The following MAPK1IP1L variants were observed in gnomAD, a reference collection of about 807,000 sequenced individuals.
MAPK1IP1L encodes the protein MAPK-interacting and spindle-stabilizing protein-like.
Under a neutral mutation model 18.1 loss-of-function variants are expected in MAPK1IP1L, and 10 were observed. That is an observed-to-expected ratio of 0.55 (90% CI 0.34 to 0.94). MAPK1IP1L has a LOEUF of 0.94. Among genes scored for constraint, MAPK1IP1L ranks in the 40% least tolerant of loss-of-function variants. The probability of loss-of-function intolerance (pLI) is 0.02; values close to 1 mark genes in which losing one functional copy is unlikely to be tolerated. For synonymous variants in MAPK1IP1L, 115 were observed against 117.3 expected, an observed-to-expected ratio of 0.98 and a Z score of 0.13; for missense variants, 260 against 318.2, an observed-to-expected ratio of 0.82 and a Z score of 1.39.
chr14:55,063,432 A>G, intron 3 of MAPK1IP1L, 107 bp downstream of exon 3: 1 of 950,560 alleles, frequency 1.1e-6, no homozygotes, highest in South Asian at 1.8e-5. Flanking sequence ...TAAGTTTTTA[A>G]AAGAGGGTGT....
chr14:55,059,874 A>G (rs1480654892), intron 1 of MAPK1IP1L, among the ~76,000 whole-genome samples: 7 of 152,182 alleles, frequency 4.6e-5, no homozygotes, highest in Non-Finnish European at 8.8e-5. Context: ...AAATGGCAGC[A>G]GTATAGTGTA....
chr14:55,061,826 C>A, intron 2 of MAPK1IP1L, 125 bp downstream of exon 2: 1 of 728,038 alleles, frequency 1.4e-6, no homozygotes, highest in South Asian at 2.1e-5. Flanking sequence ...TGGTGTGCAC[C>A]TGTAGTCCTA....
In MAPK1IP1L at chr14:55,064,637, G is replaced by A; in HGVS notation, c.*10G>A. The A allele has an allele frequency of 6.2e-7, 1 of 1,611,526 alleles. No homozygotes were observed. Among genetic ancestry groups the A allele is most frequent in the Non-Finnish European group, 8.5e-7 (1 of 1,179,098 alleles). ...GCAGTCTTACCATTAAGTTAACAAT[G>A]GACGAAGAGATGACGCTTTGCTTTT... On this transcript the variant is annotated 3_prime_UTR_variant, in exon 4 of 4. Coordinates refer to ENST00000395468, the MANE Select transcript of MAPK1IP1L (RefSeq NM_144578.4).
rs189025864 is a variant in MAPK1IP1L at position 55,069,716 on chromosome 14, C to T, written c.*5089C>T. Reference sequence around the variant, plus strand: ...GGATATCTGGAAACCACCCTTCCTCCGCAAACCCTCTCAGCAACATGGTGT... The same window carrying T: ...GGATATCTGGAAACCACCCTTCCTCTGCAAACCCTCTCAGCAACATGGTGT... On this transcript the variant is annotated 3_prime_UTR_variant, in exon 4 of 4. Coordinates refer to ENST00000395468, the MANE Select transcript of MAPK1IP1L (RefSeq NM_144578.4). The T allele has an allele frequency of 4.7e-4, 72 of 152,282 alleles. No homozygotes were observed. The Middle Eastern group carries it at 0.01, about 22-fold the overall frequency. The allele number at this position is 152,282 out of a possible 1,614,324, so 9.4% of individuals were successfully genotyped here. A position where few individuals can be genotyped will look rare whatever the true frequency, so the allele number is the denominator to read the frequency against.
chr14:55,051,750 T>A lies in MAPK1IP1L; in HGVS notation c.-58T>A, dbSNP rs761751957. 6 of 515,314 alleles carry A rather than the reference T, an allele frequency of 1.2e-5. No homozygotes were observed. Among genetic ancestry groups the A allele is most frequent in the Admixed American group, 1.9e-5 (1 of 51,498 alleles). The allele number at this position is 515,314 out of a possible 1,614,324, so 31.9% of individuals were successfully genotyped here. On this transcript the variant is annotated 5_prime_UTR_variant, in exon 1 of 4. Coordinates refer to ENST00000395468, the MANE Select transcript of MAPK1IP1L (RefSeq NM_144578.4). The stretch of plus-strand genomic sequence containing the variant: ...CTGCGCCCGCGTCTTCAGGGCCCAG[T>A]CCCTCGGACCCATCGCCGCTTCTAG...
In MAPK1IP1L at chr14:55,068,661, T is replaced by C. The variant is rs1469477338; in HGVS notation, c.*4034T>C. ...GTGGCGTTCAGGGAAGACTTTGATT[T>C]TAATAAAGCAATATTTAGTATTGAA... On this transcript the variant is annotated 3_prime_UTR_variant, in exon 4 of 4. Transcript: ENST00000395468. 6.6e-6 allele frequency: 1 copy of C among 152,228 alleles called. No homozygotes were observed. The highest frequency in any genetic ancestry group is 1.5e-5 in the Non-Finnish European group (1 of 68,034). The allele number at this position is 152,228 out of a possible 1,614,324, so 9.4% of individuals were successfully genotyped here. A position where few individuals can be genotyped will look rare whatever the true frequency, so the allele number is the denominator to read the frequency against.
rs3078612 is a variant in MAPK1IP1L, at chr14:55,059,225, G to GAAAAAAA, written c.-4-2441_-4-2435dup. Reference sequence around the variant, plus strand: ...AAAATAAAAATACATAGGAAAATCTGAAAAAAAAAAAAAAAAAAAAGACAG... The same window carrying GAAAAAAA: ...AAAATAAAAATACATAGGAAAATCTGAAAAAAAAAAAAAAAAAAAAAAAAAAAGACAG... On this transcript the variant is annotated intron_variant, in intron 1 of 3. Coordinates refer to ENST00000395468, the MANE Select transcript of MAPK1IP1L (RefSeq NM_144578.4). 5.1e-4 allele frequency among the ~76,000 whole-genome samples: 32 copies of GAAAAAAA among 63,270 alleles called. 1 individual carries two copies. Among genetic ancestry groups the GAAAAAAA allele is most frequent in the South Asian group, 6.4e-4 (1 of 1,566 alleles). 41.5% of individuals were successfully genotyped at this position (63,270 alleles called of 152,430 possible).
intron 1 of MAPK1IP1L, among the ~76,000 whole-genome samples, chr14:55,056,801 G>T (rs145082566): frequency 1.3e-5 from 2 of 152,104 alleles, no homozygotes; most frequent in Admixed American, 6.6e-5. Flanking sequence ...GAGCCACCGC[G>T]CCCGGCCATG....
Position 55,064,617 on chromosome 14 carries a change from C to T in MAPK1IP1L, c.728C>T (p.Ser243Phe). The T allele has an allele frequency of 6.2e-7, 1 of 1,612,950 alleles. No individual in the cohort carries two copies. The highest frequency in any genetic ancestry group is 8.5e-7 in the Non-Finnish European group (1 of 1,179,606). The stretch of plus-strand genomic sequence containing the variant: ...GACTTTTTCTTTTTTCTATTGCAGT[C>T]TTACCATTAAGTTAACAATGGACGA... ...GAPPMPGGPHSYH is the reference protein window; with the variant it reads ...GAPPMPGGPHFYH The change falls in exon 4 of 4, where the codon TCT becomes TTT. Residue 243 changes from serine to phenylalanine, a missense_variant and splice_region_variant. Transcript: ENST00000395468.
intron 3 of MAPK1IP1L, among the ~76,000 whole-genome samples, chr14:55,063,627 C>T (rs1316056961): frequency 6.6e-6 from 1 of 152,028 alleles, no homozygotes; most frequent in Non-Finnish European, 1.5e-5. Context: ...TTTCATTGGG[C>T]TTTTTGTTTT....
rs1199423463 is a variant in MAPK1IP1L at position 55,068,267 on chromosome 14, A to G, written c.*3640A>G. ...TTTTGCCTCAGTCAGTCCCACCACC[A>G]CAATGGACTATTGGGATATTTTCTA... On this transcript the variant is annotated 3_prime_UTR_variant, in exon 4 of 4. Transcript: ENST00000395468. 4 of 152,656 alleles carry G rather than the reference A, an allele frequency of 2.6e-5. No individual in the cohort carries two copies. The highest frequency in any genetic ancestry group is 5.9e-5 in the Non-Finnish European group (4 of 68,048). The allele number at this position is 152,656 out of a possible 1,614,324, so 9.5% of individuals were successfully genotyped here.
intron 1 of MAPK1IP1L, among the ~76,000 whole-genome samples, chr14:55,053,636 A>G (rs1217972806): frequency 6.6e-6 from 1 of 152,162 alleles, no homozygotes; most frequent in Non-Finnish European, 1.5e-5. Context: ...AGACTTTAAT[A>G]CAACCCTTCC....
chr14:55,052,644 G>T (rs1210212140), intron 1 of MAPK1IP1L, among the ~76,000 whole-genome samples: 1 of 152,136 alleles, frequency 6.6e-6, no homozygotes, highest in East Asian at 1.9e-4. Context: ...GGGTTGTAAA[G>T]GTCTGTTTCG....
At chr14:55,054,565 TTAAG>T (rs2042756308) in intron 1 of MAPK1IP1L, among the ~76,000 whole-genome samples, 1 of 152,238 alleles carries the variant, frequency 6.6e-6, no homozygotes, top group South Asian at 2.1e-4. Context: ...ACTTTATAGA[TTAAG>T]TGTGTTACTA....
chr14:55,063,859 A>G (rs2042839698), intron 3 of MAPK1IP1L: 1 of 152,624 alleles, frequency 6.6e-6, no homozygotes, highest in East Asian at 1.9e-4. Flanking sequence ...CAGACAACCC[A>G]GTGTGGGGTT....
Position 55,067,997 on chromosome 14 carries a change from A to G in MAPK1IP1L, c.*3370A>G, listed in dbSNP as rs552079874. The stretch of plus-strand genomic sequence containing the variant: ...AGGTCGTCATTCACACCCGGTTCTC[A>G]AGAATCAAGTGGAGCACTTCAAAGA... On this transcript the variant is annotated 3_prime_UTR_variant, in exon 4 of 4. Transcript: ENST00000395468. The G allele has an allele frequency of 1.3e-5, 2 of 152,250 alleles. No individual in the cohort carries two copies. Among genetic ancestry groups the G allele is most frequent in the African/African-American group, 4.8e-5 (2 of 41,458 alleles). The allele number at this position is 152,250 out of a possible 1,614,324, so 9.4% of individuals were successfully genotyped here. A position where few individuals can be genotyped will look rare whatever the true frequency, so the allele number is the denominator to read the frequency against.
chr14:55,062,550 TG>T, intron 2 of MAPK1IP1L, 67 bp from the exon 3 acceptor site: 1 of 1,274,452 alleles, frequency 7.8e-7, no homozygotes, highest in Non-Finnish European at 1.1e-6. Context: ...CTATTCTCTG[TG>T]GGTTTATAAT....
intron 1 of MAPK1IP1L, among the ~76,000 whole-genome samples, chr14:55,055,780 A>G (rs891889170): frequency 6.6e-6 from 1 of 152,164 alleles, no homozygotes; most frequent in Non-Finnish European, 1.5e-5. Context: ...AAAATTAAAA[A>G]TTAGCCGGGC....
At chr14:55,060,136 A>G (rs921524183) in intron 1 of MAPK1IP1L, among the ~76,000 whole-genome samples, 1 of 151,120 alleles carries the variant, frequency 6.6e-6, no homozygotes, top group Non-Finnish European at 1.5e-5. Context: ...ATCTACAGAT[A>G]AAAGGAATTT....
Sources: allele counts gnomAD v4.1 joint callset (sites outside exome capture counted in the v4.1 genomes callset), GRCh38; gene constraint gnomAD v4.1.1; transcripts MANE v1.5; gene names NCBI Gene and HGNC (gene_info 2026-07-23, HGNC 2026-07-21).